The following TMEM116 variants were observed in gnomAD, a reference collection of about 807,000 sequenced individuals.
TMEM116 encodes transmembrane protein 116.
A neutral mutation model predicts 44.3 loss-of-function variants in TMEM116; 38 were observed. The ratio of observed to expected loss-of-function variants is 0.86; its 90% CI spans 0.66 to 1.12. The LOEUF is 1.12. TMEM116 is among the 50% of genes most tolerant of loss of function. TMEM116 has a pLI of 0.00. For missense variants in TMEM116, 354 were observed against 401.7 expected (o/e 0.88, Z 1.01); for synonymous variants, 132 against 144.8 (o/e 0.91, Z 0.64).
At chr12:112,009,769 G>T (rs997919098) in intron 1 of TMEM116, among the ~76,000 whole-genome samples, 1 of 150,996 alleles carries the variant, frequency 6.6e-6, no homozygotes, top group Non-Finnish European at 1.5e-5. Context: ...TCACTTGAAC[G>T]CAGGAGGTGG....
At chr12:111,982,036 G>A (rs942151862) in intron 4 of TMEM116, among the ~76,000 whole-genome samples, 69 of 152,128 alleles carry the variant, frequency 4.5e-4, no homozygotes, top group African/African-American at 1.6e-3. Flanking sequence ...AGGAGGTGGG[G>A]AGGAAGCATA....
chr12:111,974,310 T>C (rs1160201209), intron 4 of TMEM116, among the ~76,000 whole-genome samples: 1 of 152,082 alleles, frequency 6.6e-6, no homozygotes, highest in East Asian at 1.9e-4. Context: ...TTATTCAACA[T>C]TGTACTGGAG....
At chr12:111,956,147 G>A (rs1015047400) in intron 4 of TMEM116, among the ~76,000 whole-genome samples, 7 of 152,186 alleles carry the variant, frequency 4.6e-5, no homozygotes, top group African/African-American at 1.7e-4. Flanking sequence ...TGCTCCAGCT[G>A]TACTGATCCA....
chr12:112,005,611 C>T (rs560095830), intron 1 of TMEM116: 25 of 844,534 alleles, frequency 3.0e-5, no homozygotes, highest in South Asian at 1.7e-4. Context: ...CCTGTAATCC[C>T]GACACTTTGA....
At chr12:112,009,048 A>C (rs1400781544) in intron 1 of TMEM116, among the ~76,000 whole-genome samples, 1 of 152,188 alleles carries the variant, frequency 6.6e-6, no homozygotes, top group African/African-American at 2.4e-5. Context: ...TATCTTAGTA[A>C]AATTACTGCC....
chr12:112,010,596 CAGAAGAG>C (rs2077792043), intron 1 of TMEM116: 1 of 152,288 alleles, frequency 6.6e-6, no homozygotes, highest in African/African-American at 2.4e-5. Flanking sequence ...CTGCAGCTCT[CAGAAGAG>C]AGGAGGCCCT....
chr12:111,966,455 CA>C (rs1458668056), intron 4 of TMEM116, among the ~76,000 whole-genome samples: 1 of 152,088 alleles, frequency 6.6e-6, no homozygotes, highest in Non-Finnish European at 1.5e-5. Context: ...ATAGGAAAAT[CA>C]GAAAATTAAT....
At chr12:112,002,198 C>T (rs1216277571) in intron 3 of TMEM116, among the ~76,000 whole-genome samples, 7 of 151,934 alleles carry the variant, frequency 4.6e-5, no homozygotes, top group African/African-American at 1.7e-4. Context: ...CATGGTGGCT[C>T]ACACCTATAA....
chr12:111,968,992 C>CAAAAAAAAAAAAAAAAAAAAAAAAAA, intron 4 of TMEM116, among the ~76,000 whole-genome samples: 1 of 45,188 alleles, frequency 2.2e-5, no homozygotes, highest in Non-Finnish European at 4.5e-5. Context: ...GACTCTATCT[C>CAAAAAAAAAAAAAAAAAAAAAAAAAA]AAAAAAAAAA....
chr12:111,957,562 C>A (rs1390496827), intron 4 of TMEM116, among the ~76,000 whole-genome samples: 7 of 151,506 alleles, frequency 4.6e-5, no homozygotes, highest in Admixed American at 4.6e-4. Flanking sequence ...CAGCCAGCCG[C>A]CCCGTCTGGG....
intron 1 of TMEM116, among the ~76,000 whole-genome samples, chr12:112,010,214 C>T (rs1394314913): frequency 1.3e-5 from 2 of 152,204 alleles, no homozygotes; most frequent in African/African-American, 4.8e-5. Flanking sequence ...AGGCTTAACT[C>T]TATTTCCACC....
chr12:111,991,988 ACAT>A, intron 3 of TMEM116, 99 bp from the exon 4 acceptor site: 1 of 1,307,410 alleles, frequency 7.6e-7, no homozygotes, highest in Non-Finnish European at 1.0e-6. Flanking sequence ...TAGGAAACTG[ACAT>A]CATTTTTCTG....
Position 111,931,401 on chromosome 12 carries a change from T to C in TMEM116, c.*220A>G. ...CTCTGAGATGGAAAGTGTCTTCCTCTCCCTGAATAGAGACTTTAAGGATCA... is the reference window on the plus strand; with the variant it reads ...CTCTGAGATGGAAAGTGTCTTCCTCCCCCTGAATAGAGACTTTAAGGATCA... On this transcript the variant is annotated 3_prime_UTR_variant, in exon 11 of 11. Transcript: ENST00000552374. The C allele has an allele frequency of 1.8e-6, 1 of 555,010 alleles. No individual in the cohort carries two copies. Among genetic ancestry groups the C allele is most frequent in the Non-Finnish European group, 3.2e-6 (1 of 314,836 alleles). The allele number at this position is 555,010 out of a possible 1,614,324, so 34.4% of individuals were successfully genotyped here.
chr12:111,945,347 A>C (rs1446600124), intron 4 of TMEM116, among the ~76,000 whole-genome samples: 1 of 148,020 alleles, frequency 6.8e-6, no homozygotes, highest in Non-Finnish European at 1.5e-5. Context: ...CCATCTCAAA[A>C]AAAAAAAAAA....
intron 5 of TMEM116, among the ~76,000 whole-genome samples, chr12:111,942,409 A>G (rs528637197): frequency 1.6e-4 from 25 of 152,128 alleles, no homozygotes; most frequent in African/African-American, 6.0e-4. Flanking sequence ...AGTAGCTGGG[A>G]CTACAGGCGC....
At chr12:111,957,295 T>C (rs2074193440) in intron 4 of TMEM116, among the ~76,000 whole-genome samples, 1 of 150,814 alleles carries the variant, frequency 6.6e-6, no homozygotes, top group Non-Finnish European at 1.5e-5. Flanking sequence ...GTCTGGGAAC[T>C]GAGGAGTGTC....
intron 1 of TMEM116, chr12:112,011,693 T>G (rs1488640598): frequency 6.6e-6 from 1 of 152,254 alleles, no homozygotes; most frequent in Non-Finnish European, 1.5e-5. Context: ...ATTTCCTTCA[T>G]TCCTGAGTAA....
At chr12:111,960,430 T>G (rs2074489912) in intron 4 of TMEM116, among the ~76,000 whole-genome samples, 1 of 140,294 alleles carries the variant, frequency 7.1e-6, no homozygotes, top group East Asian at 2.1e-4. Flanking sequence ...AGGCAGAGCT[T>G]GCAGTGAGCC....
At chr12:112,003,391 AC>A (rs1388601913) in intron 3 of TMEM116, among the ~76,000 whole-genome samples, 1 of 152,098 alleles carries the variant, frequency 6.6e-6, no homozygotes, top group East Asian at 1.9e-4. Flanking sequence ...ACACGGTGAA[AC>A]CCTGTCTCTA....
Sources: allele counts gnomAD v4.1 joint callset (sites outside exome capture counted in the v4.1 genomes callset), GRCh38; gene constraint gnomAD v4.1.1; transcripts MANE v1.5; gene names NCBI Gene and HGNC (gene_info 2026-07-23, HGNC 2026-07-21).